GRIA1: variants seen among roughly 807,000 people sequenced by gnomAD.
The protein encoded by GRIA1 is glutamate receptor 1.
In GRIA1, 31 loss-of-function variants were observed where a neutral mutation model predicts 99.2. That is an observed-to-expected ratio of 0.31 (90% CI 0.23 to 0.42). The LOEUF is 0.42. Ranked by LOEUF, GRIA1 falls within the 10% of genes least tolerant of loss-of-function variation. The probability of loss-of-function intolerance (pLI) is 1.00; values close to 1 mark genes in which losing one functional copy is unlikely to be tolerated. For synonymous variants in GRIA1, 438 were observed against 432.4 expected, an observed-to-expected ratio of 1.01 and a Z score of -0.16; for missense variants, 782 against 1,157.5, an observed-to-expected ratio of 0.68 and a Z score of 4.71.
intron 2 of GRIA1, among the ~76,000 whole-genome samples, chr5:153,544,487 C>T (rs577066389): frequency 6.6e-6 from 1 of 152,096 alleles, no homozygotes; most frequent in South Asian, 2.1e-4. Context: ...TCCTGCTCCA[C>T]CAGGGTCTAT....
intron 15 of GRIA1, among the ~76,000 whole-genome samples, chr5:153,803,962 T>A (rs1378573219): frequency 1.3e-5 from 2 of 152,204 alleles, no homozygotes; most frequent in African/African-American, 4.8e-5. Flanking sequence ...CCTTCTGTCC[T>A]GGCATTCAGC....
intron 2 of GRIA1, among the ~76,000 whole-genome samples, chr5:153,527,167 C>T (rs480726): frequency 0.35 from 53,608 of 151,972 alleles, 9,832 homozygotes; most frequent in African/African-American, 0.46. Context: ...ATCTTGAATA[C>T]TGAAATCGCA....
rs70978504 is a variant in GRIA1 at position 153,701,619 on chromosome 5, C to CAAAAAAAAAAAAAAAAA, written c.1452+2553_1452+2569dup. On this transcript the variant is annotated intron_variant, in intron 10 of 15. Coordinates refer to ENST00000285900, the MANE Select transcript of GRIA1 (RefSeq NM_000827.4). ...CTGGGCGACAAAGCGAGACCCGTCTCAAAAAAAAAAAAAAAAAAAAAAATA... is the reference window on the plus strand; with the variant it reads ...CTGGGCGACAAAGCGAGACCCGTCTCAAAAAAAAAAAAAAAAAAAAAAAAAAAAAAAAAAAAAAAATA... Among the ~76,000 whole-genome samples, 355 of 39,392 alleles carry CAAAAAAAAAAAAAAAAA rather than the reference C, an allele frequency of 9.0e-3. 85 individuals are homozygous for CAAAAAAAAAAAAAAAAA. Among genetic ancestry groups the CAAAAAAAAAAAAAAAAA allele is most frequent in the East Asian group, 0.081 (44 of 540 alleles). The allele number at this position is 39,392 out of a possible 152,430, so 25.8% of individuals were successfully genotyped here.
intron 11 of GRIA1, among the ~76,000 whole-genome samples, chr5:153,756,799 C>G (rs1762863072): frequency 6.6e-6 from 1 of 152,154 alleles, no homozygotes; most frequent in Admixed American, 6.5e-5. Flanking sequence ...GTCAGAGTCA[C>G]AGACTCTGAC....
At chr5:153,655,781 A>G (rs1754899172) in intron 4 of GRIA1, 38 bp from the exon 5 acceptor site, 15 of 1,573,458 alleles carry the variant, frequency 9.5e-6, no homozygotes, top group Non-Finnish European at 1.3e-5. Flanking sequence ...TTTAACTGTT[A>G]GTATGATTAA....
chr5:153,544,043 G>A (rs146685761), intron 2 of GRIA1, among the ~76,000 whole-genome samples: 40 of 152,214 alleles, frequency 2.6e-4, no homozygotes, highest in African/African-American at 7.9e-4. Context: ...ATCTGAGCAG[G>A]GCCTGAAAAA....
intron 13 of GRIA1, among the ~76,000 whole-genome samples, chr5:153,781,137 G>C (rs975147287): frequency 4.6e-5 from 7 of 152,062 alleles, no homozygotes; most frequent in Non-Finnish European, 7.4e-5. Flanking sequence ...CTGTTCCTCA[G>C]AGTGAAAGGG....
At chr5:153,686,503 C>T (rs1036267821) in intron 8 of GRIA1, among the ~76,000 whole-genome samples, 174 bp downstream of exon 8, 7 of 152,154 alleles carry the variant, frequency 4.6e-5, no homozygotes, top group Non-Finnish European at 1.0e-4. Context: ...GGGCAAGTCT[C>T]GTTCTTCCTC....
At chr5:153,780,106 T>G (rs2149635946) in intron 13 of GRIA1, among the ~76,000 whole-genome samples, 1 of 152,320 alleles carries the variant, frequency 6.6e-6, no homozygotes, top group African/African-American at 2.4e-5. Flanking sequence ...AGAGGCTGTC[T>G]TGGTCAAAAA....
intron 11 of GRIA1, among the ~76,000 whole-genome samples, chr5:153,717,523 A>G (rs1042669548): frequency 1.1e-4 from 1 of 9,264 alleles, no homozygotes; most frequent in East Asian, 3.4e-3. Context: ...GATCCTTCCT[A>G]GGTATTCATT....
At chr5:153,689,186 C>T (rs1757562553) in intron 8 of GRIA1, among the ~76,000 whole-genome samples, 1 of 151,988 alleles carries the variant, frequency 6.6e-6, no homozygotes, top group Non-Finnish European at 1.5e-5. Context: ...GAGCCACTGT[C>T]CCCAGCCCCT....
chr5:153,526,179 T>C (rs2113401551), intron 2 of GRIA1, among the ~76,000 whole-genome samples: 1 of 152,320 alleles, frequency 6.6e-6, no homozygotes, highest in Admixed American at 6.5e-5. Flanking sequence ...AGAGGATCTA[T>C]AAGATGGCTC....
At chr5:153,550,798 C>A (rs1485365232) in intron 2 of GRIA1, among the ~76,000 whole-genome samples, 1 of 152,150 alleles carries the variant, frequency 6.6e-6, no homozygotes, top group Non-Finnish European at 1.5e-5. Flanking sequence ...ATCTGGACGG[C>A]TTGAGAAAGC....
chr5:153,626,444 C>A (rs75440715), intron 2 of GRIA1, among the ~76,000 whole-genome samples: 15,422 of 142,422 alleles, frequency 0.11, 910 homozygotes, highest in Middle Eastern at 0.18. Context: ...GTGTGTGTGT[C>A]TGTGTGTGTG....
intron 15 of GRIA1, among the ~76,000 whole-genome samples, chr5:153,805,576 G>T (rs1199818492): frequency 6.6e-6 from 1 of 152,172 alleles, no homozygotes; most frequent in Non-Finnish European, 1.5e-5. Context: ...AAGCAGGAAA[G>T]CTCCTGGACA....
chr5:153,515,970 C>T (rs1756585055), intron 2 of GRIA1, among the ~76,000 whole-genome samples: 1 of 152,150 alleles, frequency 6.6e-6, no homozygotes, highest in Non-Finnish European at 1.5e-5. Flanking sequence ...CCTGTAATCC[C>T]AGCACTTTGG....
intron 5 of GRIA1, among the ~76,000 whole-genome samples, chr5:153,659,616 A>T (rs1303254569): frequency 6.6e-6 from 1 of 152,176 alleles, no homozygotes; most frequent in African/African-American, 2.4e-5. Context: ...GGACCTGTGG[A>T]CCTCTGTAGT....
At chr5:153,676,806 C>G (rs1756618207) in intron 6 of GRIA1, among the ~76,000 whole-genome samples, 188 bp from the exon 7 acceptor site, 1 of 152,172 alleles carries the variant, frequency 6.6e-6, no homozygotes, top group Non-Finnish European at 1.5e-5. Flanking sequence ...CAGCACCCAT[C>G]TGCTTGAATA....
chr5:153,638,501 C>T (rs914481462), intron 2 of GRIA1, among the ~76,000 whole-genome samples: 2 of 152,206 alleles, frequency 1.3e-5, no homozygotes, highest in East Asian at 1.9e-4. Context: ...AGCTTAGTAA[C>T]GTGGATAGTT....
Sources: allele counts gnomAD v4.1 joint callset (sites outside exome capture counted in the v4.1 genomes callset), GRCh38; gene constraint gnomAD v4.1.1; transcripts MANE v1.5; gene names NCBI Gene and HGNC (gene_info 2026-07-23, HGNC 2026-07-21).